Variants in PIAS3 observed in about 807,000 individuals in gnomAD.
PIAS3 encodes E3 SUMO-protein ligase PIAS3.
A neutral mutation model predicts 67.6 loss-of-function variants in PIAS3; 34 were observed. That is an observed-to-expected ratio of 0.50 (90% CI 0.38 to 0.67). The LOEUF is 0.67. PIAS3 is among the 30% of genes least tolerant of loss of function. PIAS3 has a pLI of 0.00. For synonymous variants in PIAS3, 341 were observed against 313.8 expected, an observed-to-expected ratio of 1.09 and a Z score of -0.92; for missense variants, 693 against 791.6, an observed-to-expected ratio of 0.88 and a Z score of 1.49.
rs587611706 is a variant in PIAS3, at chr1:145,851,673, A to G, written c.1146-520T>C. ...TCTGCCTCAAAAAAAAAAAAAAAAA[A>G]AAAGCCGGCGTGGTGGCTCACGCCT... On this transcript the variant is annotated intron_variant, in intron 9 of 13. Transcript: ENST00000393045. Among the ~76,000 whole-genome samples, 646 of 149,432 alleles carry G rather than the reference A, an allele frequency of 4.3e-3. 5 individuals carry two copies. The highest frequency in any genetic ancestry group is 0.015 in the African/African-American group (616 of 40,374).
chr1:145,849,928 G>T, intron 13 of PIAS3: 1 of 1,427,090 alleles, frequency 7.0e-7, no homozygotes, highest in Non-Finnish European at 9.1e-7. Context: ...TAGGTTCTTG[G>T]CTTTGTGGGC....
At chr1:145,853,923 A>T (rs1294182217) in intron 7 of PIAS3, 37 bp from the exon 8 acceptor site, 4 of 1,593,248 alleles carry the variant, frequency 2.5e-6, no homozygotes, top group Non-Finnish European at 3.4e-6. Flanking sequence ...TGGGGTCAGC[A>T]AGGCTGGAGG....
In PIAS3 at chr1:145,856,699, C is replaced by T. The variant is rs782594271; in HGVS notation, c.332G>A (p.Arg111His). ...CAGAGGGGGGTGCATGTCCACCTCA[C>T]GCTTGGGGCCCAGCAGGGTGCCAGG... ...LAPGTLLGPK[R>H]EVDMHPPLPQ... Residue 111 changes from arginine (R) to histidine (H), a missense_variant, in exon 2 of 14, where the codon CGT becomes CAT. Arg to His is a conservative substitution (Grantham distance 29). Around this residue, in one of 3 missense-constraint regions of PIAS3, gnomAD observed 308 missense variants for 348.8 expected, o/e 0.88. Transcript: ENST00000393045. The T allele has an allele frequency of 3.7e-6, 6 of 1,612,184 alleles. No homozygotes were observed. The highest frequency in any genetic ancestry group is 1.1e-5 in the South Asian group (1 of 91,048).
chr1:145,855,853 G>C (rs1553735456), intron 4 of PIAS3, 27 bp from the exon 5 acceptor site: 1 of 1,408,294 alleles, frequency 7.1e-7, no homozygotes, highest in Non-Finnish European at 1.0e-6. Context: ...AAGGAAGAAA[G>C]AGTGGGAAGA....
intron 11 of PIAS3, 57 bp from the exon 12 acceptor site, chr1:145,850,643 C>G: frequency 1.9e-6 from 3 of 1,602,382 alleles, no homozygotes; most frequent in Non-Finnish European, 2.6e-6. Flanking sequence ...TCACCCAGCT[C>G]AGGTCCCCAG....
rs1442829126 is a variant in PIAS3, at chr1:145,848,535, C to T, written c.*911G>A. ...ATGACACTCACAGAACATTCACAAC[C>T]TTTATTATGGGTGAGAGCTTCACTA... On this transcript the variant is annotated 3_prime_UTR_variant, in exon 14 of 14. Coordinates refer to ENST00000393045, the MANE Select transcript of PIAS3 (RefSeq NM_006099.3). 5.9e-6 allele frequency: 7 copies of T among 1,186,412 alleles called. No individual in the cohort carries two copies. The highest frequency in any genetic ancestry group is 2.6e-5 in the South Asian group (2 of 77,330). The allele number at this position is 1,186,412 out of a possible 1,614,324, so 73.5% of individuals were successfully genotyped here.
At chr1:145,856,303 A>C in intron 3 of PIAS3, 44 bp downstream of exon 3, 1 of 1,519,686 alleles carries the variant, frequency 6.6e-7, no homozygotes. Context: ...GAAAGTCAGA[A>C]AGCAGAGACC....
Position 145,854,729 on chromosome 1 carries a change from G to A in PIAS3, c.804+17C>T, listed in dbSNP as rs782153428. ...CCTCAGCAGGCTTTTCCAGGCACCT[G>A]CTTTAGCTGTGCTCACCCGTCCGAA... On this transcript the variant is annotated intron_variant, in intron 6 of 13. Transcript: ENST00000393045. 4 of 1,614,052 alleles carry A rather than the reference G, an allele frequency of 2.5e-6. No individual in the cohort carries two copies. In the African/African-American group the frequency reaches 4.0e-5, roughly 16 times the overall value.
chr1:145,849,115 G>A lies in PIAS3; in HGVS notation c.*331C>T. 4.7e-6 allele frequency: 1 copy of A among 213,374 alleles called. No homozygotes were observed. 13.2% of individuals were successfully genotyped at this position (213,374 alleles called of 1,614,324 possible). A position where few individuals can be genotyped will look rare whatever the true frequency, so the allele number is the denominator to read the frequency against. On this transcript the variant is annotated 3_prime_UTR_variant, in exon 14 of 14. Coordinates refer to ENST00000393045, the MANE Select transcript of PIAS3 (RefSeq NM_006099.3). ...GGTGCCCCTTCCCCAAGAGGCTCTA[G>A]ACATAGTCAAGGCTGAGGGTTCAGC...
At chr1:145,857,304 C>A (rs782531912) in intron 1 of PIAS3, 13 of 450,750 alleles carry the variant, frequency 2.9e-5, no homozygotes, top group African/African-American at 2.0e-4. Context: ...GCAAGCCACC[C>A]TCAGACACAC....
At chr1:145,857,074 T>C (rs1653219782) in intron 1 of PIAS3, 68 bp from the exon 2 acceptor site, 2 of 1,418,546 alleles carry the variant, frequency 1.4e-6, no homozygotes, top group Non-Finnish European at 2.0e-6. Flanking sequence ...AGACATGGGC[T>C]GAGCTACCAG....
At position 145,849,512 on chromosome 1, in the gene PIAS3, A is replaced by G. The variant is rs782258304; in HGVS notation, c.1821T>C (p.His607=). 1.3e-6 allele frequency: 2 copies of G among 1,567,980 alleles called. No homozygotes were observed. Among genetic ancestry groups the G allele is most frequent in the Non-Finnish European group, 1.7e-6 (2 of 1,160,014 alleles). Residue 607 remains histidine (H), a synonymous_variant, in exon 14 of 14, where the codon CAT becomes CAC. Coordinates refer to ENST00000393045, the MANE Select transcript of PIAS3 (RefSeq NM_006099.3). ...AGGGACCTGAGGGCAGGGGTCCTCC[A>G]TGCCCCTCCCTCAAGGCCCCCCCAG... ...VAPGGALREG[H]GGPLPSGPSL... is the part of the protein sequence containing the mutation.
chr1:145,853,419 A>G (rs1486606626), intron 9 of PIAS3, 85 bp downstream of exon 9: 19 of 1,163,342 alleles, frequency 1.6e-5, no homozygotes, highest in South Asian at 8.1e-5. Flanking sequence ...CAAAAAAAAA[A>G]AAAAGAAAAG....
In PIAS3 at chr1:145,854,778, T is replaced by A; in HGVS notation, c.772A>T (p.Ile258Phe). The change falls in exon 6 of 14, where the codon ATT (isoleucine) becomes TTT (phenylalanine). Residue 258 changes from isoleucine to phenylalanine, a missense_variant. This residue lies in a region of PIAS3 where 308 missense variants were observed against 348.8 expected (regional missense o/e 0.88). Coordinates refer to ENST00000393045, the MANE Select transcript of PIAS3 (RefSeq NM_006099.3). ...AACTCAGATGACCAATTGACCACAA[T>A]GGTGTTGGGAACAGTGGCTGAGAGT... ...ARLSATVPNTIVVNWSSEFGR... is the reference protein window; with the variant it reads ...ARLSATVPNTFVVNWSSEFGR... The A allele has an allele frequency of 6.2e-7, 1 of 1,614,106 alleles. No homozygotes were observed. Among genetic ancestry groups the A allele is most frequent in the Non-Finnish European group, 8.5e-7 (1 of 1,180,008 alleles).
chr1:145,850,499 T>C lies in PIAS3; in HGVS notation c.1536A>G (p.Pro512=). Residue 512 remains proline (P), a synonymous_variant, in exon 12 of 14, where the codon CCA becomes CCG. Coordinates refer to ENST00000393045, the MANE Select transcript of PIAS3 (RefSeq NM_006099.3). ...TLGGDFLSSL[P]LHEYPPAFPL... is the part of the protein sequence containing the mutation. ...GGAAGGCAGGTGGGTACTCATGTAG[T>C]GGGAGACTGGACAGGAAATCCCCAC... is the stretch of plus-strand genomic sequence containing the variant. 6.2e-7 allele frequency: 1 copy of C among 1,614,146 alleles called. No homozygotes were observed. The highest frequency in any genetic ancestry group is 8.5e-7 in the Non-Finnish European group (1 of 1,180,016).
chr1:145,852,424 ATATAT>A (rs1262041391), intron 9 of PIAS3, among the ~76,000 whole-genome samples: 1 of 152,232 alleles, frequency 6.6e-6, no homozygotes, highest in Non-Finnish European at 1.5e-5. Flanking sequence ...GTTATAGGTG[ATATAT>A]TATGACAGTT....
In PIAS3 at chr1:145,849,449, G is replaced by C. The variant is rs1437682506; in HGVS notation, c.1884C>G (p.Asp628Glu). ...AAGTTTCCATAATCCAGGGAACTCAGTCCAGGGAAATGATGTCTGACCGAC... is the reference window on the plus strand; with the variant it reads ...AAGTTTCCATAATCCAGGGAACTCACTCCAGGGAAATGATGTCTGACCGAC... Reference protein sequence around the residue: ...TGCRSDIISLD With the variant: ...TGCRSDIISLE The change falls in exon 14 of 14, where the codon GAC becomes GAG. Residue 628 changes from aspartate to glutamate, a missense_variant. Transcript: ENST00000393045. The C allele has an allele frequency of 6.7e-7, 1 of 1,498,302 alleles. No homozygotes were observed. The highest frequency in any genetic ancestry group is 8.9e-7 in the Non-Finnish European group (1 of 1,128,622). 92.8% of individuals were successfully genotyped at this position (1,498,302 alleles called of 1,614,324 possible). A position where few individuals can be genotyped will look rare whatever the true frequency, so the allele number is the denominator to read the frequency against.
At chr1:145,850,198 A>G in intron 13 of PIAS3, 34 bp downstream of exon 13, 1 of 1,613,798 alleles carries the variant, frequency 6.2e-7, no homozygotes, top group Non-Finnish European at 8.5e-7. Context: ...GAAGCTTCAG[A>G]GATCTGAGAC....
At chr1:145,853,781 C>T (rs1553734875) in intron 8 of PIAS3, 32 bp downstream of exon 8, 1 of 1,610,570 alleles carries the variant, frequency 6.2e-7, no homozygotes, top group East Asian at 2.2e-5. Context: ...CAACTCCCTT[C>T]CCACCCTGTT....
Sources: gnomAD v4.1 joint callset for allele counts (sites outside exome capture counted in the v4.1 genomes callset) on GRCh38, gnomAD v4.1.1 for gene constraint, gnomAD v4.1.1 regional missense constraint, MANE v1.5 for transcripts, NCBI Gene and HGNC (gene_info 2026-07-23, HGNC 2026-07-21) for gene names.